The following WNT9A variants were observed in gnomAD, a reference collection of about 807,000 sequenced individuals.
WNT9A encodes protein Wnt-9a.
A neutral mutation model predicts 31.4 loss-of-function variants in WNT9A; 8 were observed. The ratio of observed to expected loss-of-function variants is 0.26; its 90% CI spans 0.15 to 0.46. The LOEUF (loss-of-function observed/expected upper bound fraction) is 0.46. WNT9A is among the 20% of genes least tolerant of loss of function. WNT9A has a pLI of 0.99. For synonymous variants in WNT9A, 236 were observed against 220.1 expected (o/e 1.07, Z -0.64); for missense variants, 457 against 522.9 (o/e 0.87, Z 1.23).
intron 1 of WNT9A, among the ~76,000 whole-genome samples, chr1:227,935,080 A>G (rs1666570762): frequency 6.7e-6 from 1 of 149,992 alleles, no homozygotes; most frequent in South Asian, 2.1e-4. Context: ...ACAGAGCCTG[A>G]GTCACAGCTC....
rs1417531557 is a variant in WNT9A, at chr1:227,942,822, C to T, written c.95+4971G>A. Among the ~76,000 whole-genome samples, 1 of 152,212 alleles carries T rather than the reference C, an allele frequency of 6.6e-6. No individual in the cohort carries two copies. The highest frequency in any genetic ancestry group is 2.4e-5 in the African/African-American group (1 of 41,458). On this transcript the variant is annotated intron_variant, in intron 1 of 3. Transcript: ENST00000272164. The surrounding 1 kb of genome is among the most constrained non-coding windows in gnomAD (Gnocchi z 5.7). ...AGCTCTCAGCTGCTCCCAAACCCCC[C>T]GGCCCACAGTGCTCAGAGCACCCGA...
At chr1:227,941,879 G>A (rs1292059755) in intron 1 of WNT9A, among the ~76,000 whole-genome samples, 1 of 152,120 alleles carries the variant, frequency 6.6e-6, no homozygotes, top group Non-Finnish European at 1.5e-5. Context: ...CCGTGCCGCA[G>A]CTGGGATCAG....
intron 3 of WNT9A, 94 bp from the exon 4 acceptor site, chr1:227,922,094 A>AC (rs1666329933): frequency 1.4e-5 from 21 of 1,491,128 alleles, no homozygotes; most frequent in Non-Finnish European, 1.7e-5. Context: ...GGGACCCCAC[A>AC]CCCCCACCCA....
chr1:227,924,062 T>TTCCCCC, intron 3 of WNT9A, 76 bp downstream of exon 3: 1 of 234,960 alleles, frequency 4.3e-6, no homozygotes. Flanking sequence ...CCGCCCCCAG[T>TTCCCCC]CCCACGCCCC....
chr1:227,925,519 C>T lies in WNT9A; in HGVS notation c.96G>A (p.Gly32=). 1 of 1,536,840 alleles carries T rather than the reference C, an allele frequency of 6.5e-7. No individual in the cohort carries two copies. The highest frequency in any genetic ancestry group is 8.7e-7 in the Non-Finnish European group (1 of 1,146,414). ...TGGTCAGGGGCTCGCTGCCCGTCAG[C>T]CTGGGCACAGAGAGGCCAGCATGAG... ...AALRPSAAYF[G]LTGSEPLTIL... is the part of the protein sequence containing the mutation. The change falls in exon 2 of 4, where the codon GGG becomes GGA. Residue 32 remains glycine, a splice_region_variant and synonymous_variant. Transcript: ENST00000272164. This position sits in a 1 kb window ranked among gnomAD's most constrained non-coding sequence, Gnocchi z 6.0.
rs559937220 is a variant in WNT9A at position 227,918,837 on chromosome 1, G to T, written c.*2681C>A. The T allele has an allele frequency of 1.4e-5, 2 of 143,162 alleles. No individual in the cohort carries two copies. Among genetic ancestry groups the T allele is most frequent in the East Asian group, 4.9e-4 (2 of 4,100 alleles). 8.9% of individuals were successfully genotyped at this position (143,162 alleles called of 1,614,324 possible). A position where few individuals can be genotyped will look rare whatever the true frequency, so the allele number is the denominator to read the frequency against. On this transcript the variant is annotated 3_prime_UTR_variant, in exon 4 of 4. Coordinates refer to ENST00000272164, the MANE Select transcript of WNT9A (RefSeq NM_003395.4). ...GGCCCCTCCCACCCACCCACACCTGGCCAGAAGCCACCTGGGGGTCCAGGT... is the reference window on the plus strand; with the variant it reads ...GGCCCCTCCCACCCACCCACACCTGTCCAGAAGCCACCTGGGGGTCCAGGT...
chr1:227,930,493 G>T (rs746305906), intron 1 of WNT9A, among the ~76,000 whole-genome samples: 1 of 152,106 alleles, frequency 6.6e-6, no homozygotes, highest in Non-Finnish European at 1.5e-5. Flanking sequence ...AGTGAGCCAC[G>T]GACACACCAC....
At position 227,942,994 on chromosome 1, in the gene WNT9A, C is replaced by T. The variant is rs1029082401; in HGVS notation, c.95+4799G>A. Among the ~76,000 whole-genome samples, 50 of 152,168 alleles carry T rather than the reference C, an allele frequency of 3.3e-4. No individual in the cohort carries two copies. The highest frequency in any genetic ancestry group is 5.6e-4 in the Non-Finnish European group (38 of 68,036). On this transcript the variant is annotated intron_variant, in intron 1 of 3. Coordinates refer to ENST00000272164, the MANE Select transcript of WNT9A (RefSeq NM_003395.4). This position sits in a 1 kb window ranked among gnomAD's most constrained non-coding sequence, Gnocchi z 5.7. The stretch of plus-strand genomic sequence containing the variant: ...CCCTGCCAGGGACCCACAGGTGCCC[C>T]TCATCCAGGCAGCCAGCTGTGCCCC...
chr1:227,936,240 G>A (rs1261165434), intron 1 of WNT9A, among the ~76,000 whole-genome samples: 2 of 151,880 alleles, frequency 1.3e-5, no homozygotes, highest in African/African-American at 2.4e-5. Flanking sequence ...TCAGGCTGGA[G>A]TGCAGTGGTG....
intron 1 of WNT9A, among the ~76,000 whole-genome samples, chr1:227,939,689 C>T (rs190947022): frequency 1.2e-4 from 18 of 152,318 alleles, no homozygotes; most frequent in Admixed American, 5.2e-4. Flanking sequence ...CCACCCTGAC[C>T]GGGACCCAGC....
At chr1:227,937,587 AG>A (rs1238082483) in intron 1 of WNT9A, among the ~76,000 whole-genome samples, 2 of 152,354 alleles carry the variant, frequency 1.3e-5, no homozygotes, top group East Asian at 3.9e-4. Context: ...GAAGACACAG[AG>A]GCGGACGAGA....
At chr1:227,933,751 G>A (rs1289522505) in intron 1 of WNT9A, among the ~76,000 whole-genome samples, 1 of 152,132 alleles carries the variant, frequency 6.6e-6, no homozygotes, top group East Asian at 1.9e-4. Context: ...CAAGCACAGT[G>A]GAGCAGGGTC....
Position 227,924,360 on chromosome 1 carries a change from A to G in WNT9A, c.393T>C (p.Ala131=). ...CCTTGGCCAGTGCGTGCGTCAGGCC[A>G]GCCGAGGAGATGGCATAGAGGAAGG... ...ETAFLYAISS[A]GLTHALAKAC... The change falls in exon 3 of 4, where the codon GCT becomes GCC. Residue 131 remains alanine, a synonymous_variant. Transcript: ENST00000272164. 6.2e-7 allele frequency: 1 copy of G among 1,613,244 alleles called. No individual in the cohort carries two copies. The highest frequency in any genetic ancestry group is 1.3e-5 in the African/African-American group (1 of 75,048).
chr1:227,942,690 C>G lies in WNT9A; in HGVS notation c.95+5103G>C, dbSNP rs536220158. On this transcript the variant is annotated intron_variant, in intron 1 of 3. Transcript: ENST00000272164. The surrounding 1 kb of genome is among the most constrained non-coding windows in gnomAD (Gnocchi z 5.7). ...TGCCCTTCTGGCCCTCCAGAGCACT[C>G]TGTGTGGCCTTTCTTCCTGATGCCA... Among the ~76,000 whole-genome samples, 2 of 152,278 alleles carry G rather than the reference C, an allele frequency of 1.3e-5. No homozygotes were observed. The highest frequency in any genetic ancestry group is 2.1e-4 in the South Asian group (1 of 4,830).
At chr1:227,945,445 G>T (rs766115721) in intron 1 of WNT9A, among the ~76,000 whole-genome samples, 1 of 152,140 alleles carries the variant, frequency 6.6e-6, no homozygotes, top group Non-Finnish European at 1.5e-5. Flanking sequence ...GGCAGCGGGC[G>T]CCAGCCAGGG....
In WNT9A at chr1:227,925,349, C is replaced by A; in HGVS notation, c.266G>T (p.Ser89Ile). ...GAACTGGAACTGGCACTCGAGCGCA[C>A]TCATGCTCACGGCCTCCACCAGCGT... ...AETLVEAVSM[S>I]ALECQFQFRF... Residue 89 changes from serine (S) to isoleucine (I), a missense_variant, in exon 2 of 4, where the codon AGT becomes ATT. Coordinates refer to ENST00000272164, the MANE Select transcript of WNT9A (RefSeq NM_003395.4). This position sits in a 1 kb window ranked among gnomAD's most constrained non-coding sequence, Gnocchi z 6.0. 6.2e-7 allele frequency: 1 copy of A among 1,611,136 alleles called. No individual in the cohort carries two copies. The highest frequency in any genetic ancestry group is 8.5e-7 in the Non-Finnish European group (1 of 1,179,456).
chr1:227,945,604 AG>A (rs1360008840), intron 1 of WNT9A, among the ~76,000 whole-genome samples: 2 of 151,980 alleles, frequency 1.3e-5, no homozygotes, highest in South Asian at 2.1e-4. Flanking sequence ...AGCTTTTGAG[AG>A]GGGGAAGGGA....
chr1:227,937,113 CCTTA>C lies in WNT9A; in HGVS notation c.95+10676_95+10679del, dbSNP rs575146431. 7.9e-5 allele frequency among the ~76,000 whole-genome samples: 12 copies of C among 152,322 alleles called. No individual in the cohort carries two copies. In the South Asian group the frequency reaches 2.5e-3, roughly 32 times the overall value. On this transcript the variant is annotated intron_variant, in intron 1 of 3. Coordinates refer to ENST00000272164, the MANE Select transcript of WNT9A (RefSeq NM_003395.4). ...GTTTCTAATCTGCTTTTAAATCAGGCCTTACTTACTTTTCTCCCCCTCTAGCTCT... is the reference window on the plus strand; with the variant it reads ...GTTTCTAATCTGCTTTTAAATCAGGCCTTACTTTTCTCCCCCTCTAGCTCT...
At chr1:227,930,818 C>T (rs1427903905) in intron 1 of WNT9A, among the ~76,000 whole-genome samples, 2 of 152,034 alleles carry the variant, frequency 1.3e-5, no homozygotes, top group African/African-American at 2.4e-5. Flanking sequence ...GTCAGGAGTT[C>T]GAGACCAGCC....
Sources: gnomAD v4.1 joint callset for allele counts (sites outside exome capture counted in the v4.1 genomes callset) on GRCh38, gnomAD v4.1.1 for gene constraint, Gnocchi (gnomAD v3.1) non-coding constraint, MANE v1.5 for transcripts, NCBI Gene and HGNC (gene_info 2026-07-23, HGNC 2026-07-21) for gene names.